SETBP1: variants seen among roughly 807,000 people sequenced by gnomAD.
SETBP1 encodes SET binding protein 1, also known as SET-binding protein.
In SETBP1, 9 loss-of-function variants were observed where a neutral mutation model predicts 101.0. The ratio of observed to expected loss-of-function variants is 0.09; its 90% CI spans 0.05 to 0.16. SETBP1 has a LOEUF of 0.16. SETBP1 is among the 10% of genes least tolerant of loss of function. The pLI is 1.00. For missense variants in SETBP1, 1,858 were observed against 2,033.8 expected, an observed-to-expected ratio of 0.91 and a Z score of 1.66; for synonymous variants, 818 against 788.5, an observed-to-expected ratio of 1.04 and a Z score of -0.63.
chr18:44,790,156 GT>G (rs1316014155), intron 2 of SETBP1, among the ~76,000 whole-genome samples: 2 of 152,102 alleles, frequency 1.3e-5, no homozygotes, highest in African/African-American at 4.8e-5. Flanking sequence ...CCCCCTGTCA[GT>G]TTTTCTTGTG....
Position 44,835,731 on chromosome 18 carries a change from C to T in SETBP1, c.487-33499C>T, listed in dbSNP as rs1308207872. On this transcript the variant is annotated intron_variant, in intron 2 of 5. Transcript: ENST00000649279. ...AAGTGGTTTGTTTGTGAAGTTCACA[C>T]GGCCAAGCCAGAGCAAAGCTGTGAC... Among the ~76,000 whole-genome samples the T allele has an allele frequency of 3.3e-5, 5 of 152,174 alleles. No homozygotes were observed. In the East Asian group the frequency reaches 5.8e-4, roughly 18 times the overall value.
chr18:44,703,566 A>G (rs2069159855), intron 2 of SETBP1, among the ~76,000 whole-genome samples: 1 of 151,874 alleles, frequency 6.6e-6, no homozygotes, highest in South Asian at 2.1e-4. Context: ...CAGTTTGCCC[A>G]AAAAATCTGT....
rs545628860 is a variant in SETBP1 at position 45,065,426 on chromosome 18, T to C, written c.*1728T>C. 6.6e-6 allele frequency: 1 copy of C among 152,348 alleles called. No homozygotes were observed. Among genetic ancestry groups the C allele is most frequent in the South Asian group, 2.1e-4 (1 of 4,830 alleles). 9.4% of individuals were successfully genotyped at this position (152,348 alleles called of 1,614,324 possible). ...GGTTTACCTCCAAATTAAGTTTCTT[T>C]ACAGGAAGTTGGGACCAGCTGGAAA... On this transcript the variant is annotated 3_prime_UTR_variant, in exon 6 of 6. Coordinates refer to ENST00000649279, the MANE Select transcript of SETBP1 (RefSeq NM_015559.3).
intron 2 of SETBP1, among the ~76,000 whole-genome samples, chr18:44,751,666 A>G (rs1477179174): frequency 6.6e-6 from 1 of 152,098 alleles, no homozygotes; most frequent in Non-Finnish European, 1.5e-5. Context: ...GCTTTTTCGT[A>G]TTTCTCAAAG....
Position 44,843,580 on chromosome 18 carries a change from G to A in SETBP1, c.487-25650G>A, listed in dbSNP as rs542365521. ...CCCATTTCTCAGGTCCTGCTTGAAA[G>A]CCTTGCCCTTCCAGGCCAGCCGCAG... On this transcript the variant is annotated intron_variant, in intron 2 of 5. Coordinates refer to ENST00000649279, the MANE Select transcript of SETBP1 (RefSeq NM_015559.3). Among the ~76,000 whole-genome samples, 47 of 152,248 alleles carry A rather than the reference G, an allele frequency of 3.1e-4. 1 individual carries two copies. Among genetic ancestry groups the A allele is most frequent in the Middle Eastern group, 6.8e-3 (2 of 294 alleles).
intron 3 of SETBP1, among the ~76,000 whole-genome samples, chr18:44,937,218 C>T (rs1247671404): frequency 1.3e-5 from 2 of 151,714 alleles, no homozygotes; most frequent in East Asian, 1.9e-4. Flanking sequence ...TTTGGGAGGC[C>T]GAGGCGGGCG....
At chr18:45,034,783 A>G (rs1261475972) in intron 4 of SETBP1, among the ~76,000 whole-genome samples, 2 of 152,138 alleles carry the variant, frequency 1.3e-5, no homozygotes, top group African/African-American at 2.4e-5. Flanking sequence ...GGTGCTATCC[A>G]TACAGTCTAC....
chr18:45,063,687 G>T lies in SETBP1; in HGVS notation c.4780G>T (p.Val1594Phe). ...QRKSRGSESE[V>F]LP The stretch of plus-strand genomic sequence containing the variant: ...GAAGTCCCGAGGGAGTGAGAGCGAG[G>T]TCCTTCCCTAGGGCGGGTCTGGGCG... The change falls in exon 6 of 6, where the codon GTC becomes TTC. Residue 1594 changes from valine (V) to phenylalanine (F), a missense_variant. By Grantham distance (50) the Val-to-Phe change is conservative. This residue lies in a region of SETBP1 where 178 missense variants were observed against 189.1 expected (regional missense o/e 0.94). Transcript: ENST00000649279. The T allele has an allele frequency of 6.2e-7, 1 of 1,607,952 alleles. No homozygotes were observed. The highest frequency in any genetic ancestry group is 8.5e-7 in the Non-Finnish European group (1 of 1,177,630).
At chr18:45,055,864 G>A (rs1389713077) in intron 5 of SETBP1, among the ~76,000 whole-genome samples, 1 of 152,012 alleles carries the variant, frequency 6.6e-6, no homozygotes, top group Non-Finnish European at 1.5e-5. Context: ...CAGATTAAAG[G>A]GATTTTATAG....
chr18:45,003,557 C>T (rs980850129), intron 4 of SETBP1, among the ~76,000 whole-genome samples: 1 of 152,150 alleles, frequency 6.6e-6, no homozygotes, highest in Non-Finnish European at 1.5e-5. Context: ...GGAGGCACTT[C>T]CCACTGTAAA....
intron 4 of SETBP1, among the ~76,000 whole-genome samples, chr18:44,989,524 G>T (rs1291882648): frequency 6.6e-6 from 1 of 151,948 alleles, no homozygotes; most frequent in Non-Finnish European, 1.5e-5. Context: ...AGAGTGAAAA[G>T]GATATTTGAA....
chr18:44,843,096 G>A (rs1599208800), intron 2 of SETBP1, among the ~76,000 whole-genome samples: 1 of 152,224 alleles, frequency 6.6e-6, no homozygotes, highest in Admixed American at 6.5e-5. Context: ...ACCTTTTGTA[G>A]CCTGCCAACT....
intron 4 of SETBP1, among the ~76,000 whole-genome samples, chr18:45,009,161 A>G (rs1269265737): frequency 2.0e-5 from 3 of 151,792 alleles, no homozygotes; most frequent in African/African-American, 7.3e-5. Context: ...AAGGAGTTTC[A>G]CTCTCAGCAC....
At chr18:44,845,507 G>A (rs1323776788) in intron 2 of SETBP1, among the ~76,000 whole-genome samples, 1 of 152,182 alleles carries the variant, frequency 6.6e-6, no homozygotes, top group East Asian at 1.9e-4. Flanking sequence ...CTGGTCTCTG[G>A]GTGATTAATT....
intron 2 of SETBP1, among the ~76,000 whole-genome samples, chr18:44,836,136 T>C (rs534305825): frequency 6.6e-6 from 1 of 151,854 alleles, no homozygotes; most frequent in South Asian, 2.1e-4. Flanking sequence ...TTTTTTATTG[T>C]AAATGTTATT....
intron 2 of SETBP1, among the ~76,000 whole-genome samples, chr18:44,719,079 C>A (rs1218410763): frequency 5.3e-5 from 8 of 152,040 alleles, no homozygotes; most frequent in African/African-American, 9.7e-5. Flanking sequence ...TATGGGATGT[C>A]CTTGAAAGTC....
intron 3 of SETBP1, among the ~76,000 whole-genome samples, chr18:44,890,480 G>T (rs558566476): frequency 6.5e-4 from 99 of 152,188 alleles, no homozygotes; most frequent in African/African-American, 2.2e-3. Context: ...TCTTCCATGG[G>T]AATCTTTTTA....
chr18:44,895,525 T>C (rs558736709), intron 3 of SETBP1, among the ~76,000 whole-genome samples: 2 of 152,240 alleles, frequency 1.3e-5, no homozygotes, highest in East Asian at 3.9e-4. Context: ...AGTTAGAAAA[T>C]GGCAGTGACC....
At chr18:44,859,110 G>A (rs1372974085) in intron 2 of SETBP1, among the ~76,000 whole-genome samples, 1 of 152,064 alleles carries the variant, frequency 6.6e-6, no homozygotes, top group East Asian at 1.9e-4. Context: ...GGGTAAACTT[G>A]TTTGGGGAGA....
Sources: allele counts gnomAD v4.1 joint callset (sites outside exome capture counted in the v4.1 genomes callset), GRCh38; gene constraint gnomAD v4.1.1; regional missense constraint gnomAD v4.1.1; transcripts MANE v1.5; gene names NCBI Gene and HGNC (gene_info 2026-07-23, HGNC 2026-07-21).